ANK3: variants seen among roughly 807,000 people sequenced by gnomAD.
ANK3 encodes ankyrin 3, also known as ankyrin-3.
Under a neutral mutation model 370.9 loss-of-function variants are expected in ANK3, and 57 were observed. The observed-to-expected ratio is 0.15, with a 90% confidence interval of 0.12 to 0.19. ANK3 has a LOEUF of 0.19. ANK3 is among the 10% of genes least tolerant of loss of function. The pLI is 1.00. For synonymous variants in ANK3, 1,929 were observed against 1,946.3 expected (o/e 0.99, Z 0.23); for missense variants, 4,439 against 5,302.1 (o/e 0.84, Z 5.06).
At chr10:60,537,072 A>G (rs1026844438) in intron 2 of ANK3, among the ~76,000 whole-genome samples, 2 of 152,070 alleles carry the variant, frequency 1.3e-5, no homozygotes, top group African/African-American at 4.8e-5. Flanking sequence ...TGTACGGGAA[A>G]AAAATGTCAA....
intron 8 of ANK3, among the ~76,000 whole-genome samples, chr10:60,226,564 C>CTATATTTT (rs1565823190): frequency 3.9e-5 from 1 of 25,856 alleles, no homozygotes; most frequent in Non-Finnish European, 6.9e-5. Context: ...AGTATATATA[C>CTATATTTT]ATAGTATATG....
rs767496680 is a variant in ANK3, at chr10:60,074,109, G to A, written c.6772C>T (p.Pro2258Ser). 3.8e-5 allele frequency: 62 copies of A among 1,613,862 alleles called. No individual in the cohort carries two copies. Among genetic ancestry groups the A allele is most frequent in the Non-Finnish European group, 5.0e-5 (59 of 1,179,954 alleles). Residue 2258 changes from proline (P) to serine (S), a missense_variant, in exon 37 of 44, where the codon CCA (proline) becomes TCA (serine). Around this residue, in one of 13 missense-constraint regions of ANK3, gnomAD observed 1,601 missense variants for 1,731.7 expected, o/e 0.92. Transcript: ENST00000280772. ...CTTTCAGATGCACCTTCACCGCCTGGTGGAGAATGATAAACCATTCTGGTG... is the reference window on the plus strand; with the variant it reads ...CTTTCAGATGCACCTTCACCGCCTGATGGAGAATGATAAACCATTCTGGTG... ...TTTRMVYHSP[P>S]GGEGASERIE...
At position 60,263,940 on chromosome 10, in the gene ANK3, T is replaced by C. The variant is rs774326146; in HGVS notation, c.594A>G (p.Lys198=). ...VVSLLLENDT[K]GKVRLPALHI... ...GAAGAGCTGGGAGACGCACTTTTCCTTTGGTGTCATTCTCTAGCAGGAGCG... is the reference window on the plus strand; with the variant it reads ...GAAGAGCTGGGAGACGCACTTTTCCCTTGGTGTCATTCTCTAGCAGGAGCG... The change falls in exon 6 of 44, where the codon AAA becomes AAG. Residue 198 remains lysine, a synonymous_variant. Transcript: ENST00000280772. The C allele has an allele frequency of 6.2e-7, 1 of 1,614,170 alleles. No homozygotes were observed. The highest frequency in any genetic ancestry group is 1.1e-5 in the South Asian group (1 of 91,086).
chr10:60,495,104 TCACAAAGTAGC>T (rs1244970323), intron 2 of ANK3, among the ~76,000 whole-genome samples: 2 of 152,210 alleles, frequency 1.3e-5, no homozygotes, highest in African/African-American at 4.8e-5. Context: ...TAAGAAATGT[TCACAAAGTAGC>T]AAAAAGTTCA....
chr10:60,045,987 G>T (rs1020170396), intron 42 of ANK3, among the ~76,000 whole-genome samples: 1 of 152,024 alleles, frequency 6.6e-6, no homozygotes, highest in African/African-American at 2.4e-5. Context: ...CATGACAATG[G>T]GCGGGACATT....
intron 39 of ANK3, among the ~76,000 whole-genome samples, chr10:60,063,669 C>T (rs1276030442): frequency 6.6e-6 from 1 of 152,152 alleles, no homozygotes; most frequent in African/African-American, 2.4e-5. Context: ...TGTGGGTTGG[C>T]ACTTGCCAAA....
chr10:60,549,717 C>G (rs549631672), intron 2 of ANK3, among the ~76,000 whole-genome samples: 1 of 152,018 alleles, frequency 6.6e-6, no homozygotes, highest in Non-Finnish European at 1.5e-5. Flanking sequence ...TGTTTTATAT[C>G]AAATCCAAAT....
At chr10:60,417,440 G>C (rs1020472987) in intron 2 of ANK3, among the ~76,000 whole-genome samples, 12 of 152,140 alleles carry the variant, frequency 7.9e-5, no homozygotes, top group Admixed American at 5.2e-4. Context: ...TACTAGTGCA[G>C]GCCTGGTTTC....
At chr10:60,287,454 G>A (rs1250801915) in intron 1 of ANK3, among the ~76,000 whole-genome samples, 2 of 152,158 alleles carry the variant, frequency 1.3e-5, no homozygotes, top group African/African-American at 4.8e-5. Context: ...ACTGAACAGT[G>A]TATAAAGGTC....
rs190069317 is a variant in ANK3, at chr10:60,509,928, A to G, written c.96+105258T>C. Among the ~76,000 whole-genome samples, 4 of 152,222 alleles carry G rather than the reference A, an allele frequency of 2.6e-5. No individual in the cohort carries two copies. In the East Asian group the frequency reaches 7.7e-4, roughly 29 times the overall value. On this transcript the variant is annotated intron_variant, in intron 2 of 43. Transcript: ENST00000373827. The stretch of plus-strand genomic sequence containing the variant: ...ATAACCTTCTATAGTCAATGGCATC[A>G]GACCTCCTTTCAAAGCATCCCCACA...
At chr10:60,411,193 T>G (rs763229621) in intron 2 of ANK3, among the ~76,000 whole-genome samples, 4 of 152,158 alleles carry the variant, frequency 2.6e-5, no homozygotes, top group Non-Finnish European at 5.9e-5. Flanking sequence ...TTGGAGGTTG[T>G]TTGTTTTAGC....
chr10:60,293,726 T>C (rs1264499966), intron 1 of ANK3, among the ~76,000 whole-genome samples: 2 of 152,246 alleles, frequency 1.3e-5, no homozygotes, highest in African/African-American at 4.8e-5. Flanking sequence ...AGTTAAAATC[T>C]GGCAGTCTGC....
chr10:60,682,928 A>G (rs1039944621), intron 1 of ANK3, among the ~76,000 whole-genome samples: 2 of 152,198 alleles, frequency 1.3e-5, no homozygotes, highest in Non-Finnish European at 2.9e-5. Flanking sequence ...GGGAATCCCA[A>G]CTTGAAGCCA....
chr10:60,214,278 A>G (rs965462625), intron 8 of ANK3, among the ~76,000 whole-genome samples: 1 of 152,194 alleles, frequency 6.6e-6, no homozygotes, highest in African/African-American at 2.4e-5. Flanking sequence ...TATACATATT[A>G]GTGCTGAGAA....
At chr10:60,249,858 T>A (rs932189116) in intron 7 of ANK3, among the ~76,000 whole-genome samples, 59 of 152,090 alleles carry the variant, frequency 3.9e-4, no homozygotes, top group Admixed American at 3.7e-3. Flanking sequence ...CCCCACCAGC[T>A]CCACAGGTCA....
rs558376056 is a variant in ANK3 at position 60,681,459 on chromosome 10, T to C, written c.57+51804A>G. Among the ~76,000 whole-genome samples the C allele has an allele frequency of 2.9e-4, 44 of 152,322 alleles. No homozygotes were observed. In the South Asian group the frequency reaches 8.9e-3, roughly 31 times the overall value. On this transcript the variant is annotated intron_variant, in intron 1 of 43. Transcript: ENST00000373827. ...ATGATCTCTTGCATCTCCTAGATTT[T>C]GCAAACATCATTTTCTCTGGAACAC...
intron 1 of ANK3, among the ~76,000 whole-genome samples, chr10:60,308,433 G>A (rs10443912): frequency 0.58 from 88,286 of 151,242 alleles, 26,316 homozygotes; most frequent in South Asian, 0.78. Context: ...GCACCAGCAC[G>A]CCTGGCTAAT....
At chr10:60,173,308 T>C (rs2095843556) in intron 18 of ANK3, 122 bp from the exon 19 acceptor site, 4 of 737,606 alleles carry the variant, frequency 5.4e-6, no homozygotes, top group African/African-American at 1.8e-5. Flanking sequence ...TAGGTTTTTT[T>C]CTTCTCTATA....
At chr10:60,468,917 GTA>G (rs1189267318) in intron 2 of ANK3, among the ~76,000 whole-genome samples, 2 of 144,474 alleles carry the variant, frequency 1.4e-5, no homozygotes, top group South Asian at 2.2e-4. Context: ...GTGTGTGCAT[GTA>G]TGTGTGTGTG....
Sources: gnomAD v4.1 joint callset for allele counts (sites outside exome capture counted in the v4.1 genomes callset) on GRCh38, gnomAD v4.1.1 for gene constraint, gnomAD v4.1.1 regional missense constraint, MANE v1.5 for transcripts, NCBI Gene and HGNC (gene_info 2026-07-23, HGNC 2026-07-21) for gene names.